ADAMTS9: variants seen among roughly 807,000 people sequenced by gnomAD.
ADAMTS9 encodes A disintegrin and metalloproteinase with thrombospondin motifs 9.
ADAMTS9 carries 107 observed loss-of-function variants against 257.1 expected under a neutral mutation model. The ratio of observed to expected loss-of-function variants is 0.42; its 90% CI spans 0.36 to 0.49. ADAMTS9 has a LOEUF of 0.49. Ranked by LOEUF, ADAMTS9 falls within the 20% of genes least tolerant of loss-of-function variation. The pLI, the probability that ADAMTS9 is intolerant of heterozygous loss-of-function variation, is 0.03. For missense variants in ADAMTS9, 2,353 were observed against 2,469.1 expected, an observed-to-expected ratio of 0.95 and a Z score of 1.00; for synonymous variants, 982 against 880.9, an observed-to-expected ratio of 1.11 and a Z score of -2.03.
At chr3:64,559,752 C>A (rs1484991664) in intron 30 of ADAMTS9, among the ~76,000 whole-genome samples, 1 of 152,236 alleles carries the variant, frequency 6.6e-6, no homozygotes, top group African/African-American at 2.4e-5. Flanking sequence ...TTTTTCCATT[C>A]TTCGGGATGC....
intron 2 of ADAMTS9, among the ~76,000 whole-genome samples, chr3:64,685,732 G>A (rs939965401): frequency 6.6e-6 from 1 of 152,162 alleles, no homozygotes; most frequent in African/African-American, 2.4e-5. Context: ...AGTCCCTAGG[G>A]AAACGTGCGC....
At chr3:64,566,041 A>G (rs2083538080) in intron 29 of ADAMTS9, among the ~76,000 whole-genome samples, 1 of 152,226 alleles carries the variant, frequency 6.6e-6, no homozygotes, top group Admixed American at 6.5e-5. Flanking sequence ...CGATGTGATG[A>G]GAAATTAAAC....
At chr3:64,579,404 C>A (rs1406339334) in intron 28 of ADAMTS9, among the ~76,000 whole-genome samples, 2 of 152,146 alleles carry the variant, frequency 1.3e-5, no homozygotes, top group Non-Finnish European at 2.9e-5. Flanking sequence ...TAATCTAATT[C>A]TCACCTACTC....
intron 22 of ADAMTS9, 126 bp downstream of exon 22, chr3:64,613,219 A>G (rs2084699701): frequency 9.0e-7 from 1 of 1,113,836 alleles, no homozygotes; most frequent in Non-Finnish European, 1.3e-6. Flanking sequence ...ATCCAGTGCC[A>G]TGGAGGTGTC....
chr3:64,552,182 C>T (rs1174827232), intron 30 of ADAMTS9, among the ~76,000 whole-genome samples: 1 of 152,228 alleles, frequency 6.6e-6, no homozygotes, highest in Admixed American at 6.5e-5. Context: ...CCAGGTCACA[C>T]ATCTCTTTGT....
chr3:64,602,959 A>G (rs573704160), intron 25 of ADAMTS9, among the ~76,000 whole-genome samples: 4 of 152,354 alleles, frequency 2.6e-5, no homozygotes, highest in African/African-American at 9.6e-5. Flanking sequence ...GAGTAGGCAG[A>G]TGGATCTTAG....
chr3:64,533,405 G>A, intron 37 of ADAMTS9, 135 bp from the exon 38 acceptor site: 1 of 687,794 alleles, frequency 1.5e-6, no homozygotes. Context: ...ACTAATTATT[G>A]ATAGTATTTA....
At chr3:64,674,307 A>C (rs927994711) in intron 3 of ADAMTS9, among the ~76,000 whole-genome samples, 6 of 152,240 alleles carry the variant, frequency 3.9e-5, no homozygotes, top group Admixed American at 6.5e-5. Context: ...ATGAAGAACA[A>C]AAAGGGGAAA....
intron 12 of ADAMTS9, among the ~76,000 whole-genome samples, chr3:64,635,381 T>C (rs999968739): frequency 6.6e-6 from 1 of 152,216 alleles, no homozygotes; most frequent in Admixed American, 6.5e-5. Context: ...AAAAGGCTTG[T>C]TGTGACTCTG....
At position 64,616,330 on chromosome 3, in the gene ADAMTS9, A is replaced by G. The variant is rs6445415; in HGVS notation, c.2814-160T>C. Among the ~76,000 whole-genome samples, 36,124 of 152,148 alleles carry G rather than the reference A, an allele frequency of 0.24. 4,726 individuals carry two copies. The highest frequency in any genetic ancestry group is 0.27 in the Non-Finnish European group (18,374 of 67,982). On this transcript the variant is annotated intron_variant, in intron 19 of 39. Coordinates refer to ENST00000498707, the MANE Select transcript of ADAMTS9 (RefSeq NM_182920.2). Reference sequence around the variant, plus strand: ...GTCAGTTGCTAAAATCTAATTTTAAACCAACATATCCATGTGTTTTTCATG... The same window carrying G: ...GTCAGTTGCTAAAATCTAATTTTAAGCCAACATATCCATGTGTTTTTCATG...
intron 3 of ADAMTS9, among the ~76,000 whole-genome samples, chr3:64,660,137 GTGCTTTAA>G (rs1701188319): frequency 6.6e-6 from 1 of 152,168 alleles, no homozygotes. Context: ...GATCATAAAT[GTGCTTTAA>G]TGCTTTAATG....
At chr3:64,554,364 G>A (rs1428961654) in intron 30 of ADAMTS9, among the ~76,000 whole-genome samples, 1 of 152,192 alleles carries the variant, frequency 6.6e-6, no homozygotes, top group Non-Finnish European at 1.5e-5. Flanking sequence ...TCCTAAATTA[G>A]TCAACAGCAG....
At chr3:64,616,561 T>C (rs1303894601) in intron 19 of ADAMTS9, among the ~76,000 whole-genome samples, 5 of 152,180 alleles carry the variant, frequency 3.3e-5, no homozygotes, top group East Asian at 1.9e-4. Context: ...AATTCAATTA[T>C]ACACTTTAAA....
In ADAMTS9 at chr3:64,687,252, G is replaced by T. The variant is rs190998783; in HGVS notation, c.116-284C>A. Among the ~76,000 whole-genome samples, 1 of 152,256 alleles carries T rather than the reference G, an allele frequency of 6.6e-6. No individual in the cohort carries two copies. The highest frequency in any genetic ancestry group is 6.5e-5 in the Admixed American group (1 of 15,292). On this transcript the variant is annotated intron_variant, in intron 1 of 39. Transcript: ENST00000498707. The surrounding 1 kb of genome is among the most constrained non-coding windows in gnomAD (Gnocchi z 4.4). ...TAACCTGAATAAAATAAAACATGAC[G>T]CTATCTGGTGCCCCCAATTACTAAG...
chr3:64,590,614 A>T (rs949610336), intron 28 of ADAMTS9, among the ~76,000 whole-genome samples: 1 of 152,174 alleles, frequency 6.6e-6, no homozygotes, highest in African/African-American at 2.4e-5. Context: ...GAGGTTATAA[A>T]ATACTGGTAT....
At chr3:64,581,113 T>C (rs2083987392) in intron 28 of ADAMTS9, among the ~76,000 whole-genome samples, 1 of 152,206 alleles carries the variant, frequency 6.6e-6, no homozygotes, top group African/African-American at 2.4e-5. Context: ...AAGGACCTGG[T>C]CAAGGCCAGG....
In ADAMTS9 at chr3:64,687,147, T is replaced by C. The variant is rs1701934445; in HGVS notation, c.116-179A>G. Among the ~76,000 whole-genome samples the C allele has an allele frequency of 6.6e-6, 1 of 152,202 alleles. No homozygotes were observed. The highest frequency in any genetic ancestry group is 6.5e-5 in the Admixed American group (1 of 15,288). ...CCTACTATGTGCCAGTAACAGGACCTGTGCTAGGTGCTGAGGATACACTAT... is the reference window on the plus strand; with the variant it reads ...CCTACTATGTGCCAGTAACAGGACCCGTGCTAGGTGCTGAGGATACACTAT... On this transcript the variant is annotated intron_variant, in intron 1 of 39. Coordinates refer to ENST00000498707, the MANE Select transcript of ADAMTS9 (RefSeq NM_182920.2). The surrounding 1 kb of genome is among the most constrained non-coding windows in gnomAD (Gnocchi z 4.4).
At position 64,621,063 on chromosome 3, in the gene ADAMTS9, G is replaced by A. The variant is rs561209653; in HGVS notation, c.2813+51C>T. ...TTTGCTTCTCCTGCTGGGACCTCCTGCAAGACTCTCACAATTCAGTAATAA... is the reference window on the plus strand; with the variant it reads ...TTTGCTTCTCCTGCTGGGACCTCCTACAAGACTCTCACAATTCAGTAATAA... On this transcript the variant is annotated intron_variant, in intron 19 of 39. Coordinates refer to ENST00000498707, the MANE Select transcript of ADAMTS9 (RefSeq NM_182920.2). 1.5e-4 allele frequency: 232 copies of A among 1,564,168 alleles called. 2 individuals carry two copies. In the South Asian group the frequency reaches 2.6e-3, roughly 17 times the overall value.
In ADAMTS9 at chr3:64,622,821, C is replaced by A. The variant is rs1700140908; in HGVS notation, c.2390-235G>T. Among the ~76,000 whole-genome samples, 3 of 152,122 alleles carry A rather than the reference C, an allele frequency of 2.0e-5. No homozygotes were observed. In the South Asian group the frequency reaches 6.2e-4, roughly 32 times the overall value. ...TAAAGTGGAGATAAAAGCACCTACT[C>A]CCTTGTGGTATCTGTGAAAAATAAA... On this transcript the variant is annotated intron_variant, in intron 16 of 39. Coordinates refer to ENST00000498707, the MANE Select transcript of ADAMTS9 (RefSeq NM_182920.2).
Sources: allele counts gnomAD v4.1 joint callset (sites outside exome capture counted in the v4.1 genomes callset), GRCh38; gene constraint gnomAD v4.1.1; non-coding constraint Gnocchi (gnomAD v3.1); transcripts MANE v1.5; gene names NCBI Gene and HGNC (gene_info 2026-07-23, HGNC 2026-07-21).